The following ULK4 variants were observed in gnomAD, a reference collection of about 807,000 sequenced individuals.
ULK4 encodes the protein inactive serine/threonine-protein kinase ULK4.
ULK4 carries 133 observed loss-of-function variants against 160.6 expected under a neutral mutation model. The observed-to-expected ratio is 0.83, with a 90% CI of 0.72 to 0.96. ULK4 has a LOEUF of 0.96. Ranked by LOEUF, ULK4 falls within the 40% of genes least tolerant of loss-of-function variation. The pLI is 0.00. For missense variants in ULK4, 1,580 were observed against 1,499.5 expected (o/e 1.05, Z -0.89); for synonymous variants, 534 against 539.8 (o/e 0.99, Z 0.15).
chr3:41,580,391 A>C (rs1006457467), intron 31 of ULK4, among the ~76,000 whole-genome samples: 4 of 150,632 alleles, frequency 2.7e-5, no homozygotes, highest in African/African-American at 9.8e-5. Context: ...TTTTTTTTTA[A>C]AAAAACCTGT....
chr3:41,798,282 G>C (rs1223556582), intron 20 of ULK4, among the ~76,000 whole-genome samples: 1 of 152,080 alleles, frequency 6.6e-6, no homozygotes, highest in Non-Finnish European at 1.5e-5. Flanking sequence ...TTTTCTAAAG[G>C]CTCAGGATTA....
At chr3:41,910,092 C>T (rs949577491) in intron 11 of ULK4, among the ~76,000 whole-genome samples, 4 of 152,030 alleles carry the variant, frequency 2.6e-5, no homozygotes, top group Non-Finnish European at 5.9e-5. Context: ...GACGGGTTTT[C>T]GCCATGTTGT....
chr3:41,807,376 G>T (rs1340980196), intron 19 of ULK4, among the ~76,000 whole-genome samples: 1 of 151,974 alleles, frequency 6.6e-6, no homozygotes, highest in South Asian at 2.1e-4. Context: ...TACATTGCTT[G>T]GTTTGTTACA....
intron 9 of ULK4, among the ~76,000 whole-genome samples, chr3:41,912,512 G>GA (rs1559645689): frequency 1.3e-5 from 2 of 152,188 alleles, no homozygotes; most frequent in East Asian, 3.9e-4. Context: ...ATAAAGAGGA[G>GA]AAAAAAGATC....
chr3:41,582,075 C>A (rs1040345978), intron 31 of ULK4, among the ~76,000 whole-genome samples: 11 of 152,146 alleles, frequency 7.2e-5, no homozygotes, highest in African/African-American at 2.4e-4. Flanking sequence ...ATAATTCCCA[C>A]GTGTTTTGGG....
chr3:41,490,922 G>A (rs985557584), intron 32 of ULK4, among the ~76,000 whole-genome samples: 13 of 152,120 alleles, frequency 8.5e-5, no homozygotes, highest in Admixed American at 6.6e-4. Flanking sequence ...ATAAATGTCT[G>A]TGTAAGGAAA....
chr3:41,467,518 C>T (rs1044822798), intron 32 of ULK4, among the ~76,000 whole-genome samples: 14 of 152,172 alleles, frequency 9.2e-5, no homozygotes, highest in African/African-American at 3.1e-4. Flanking sequence ...TAGAGCACGA[C>T]TCTGTTACAA....
At chr3:41,464,148 A>G (rs1401322489) in intron 32 of ULK4, among the ~76,000 whole-genome samples, 1 of 152,202 alleles carries the variant, frequency 6.6e-6, no homozygotes. Context: ...CCAGATCATC[A>G]ATTGAATGGA....
chr3:41,636,684 C>T (rs2033963254), intron 30 of ULK4, among the ~76,000 whole-genome samples: 3 of 151,910 alleles, frequency 2.0e-5, no homozygotes, highest in East Asian at 3.9e-4. Context: ...TATACATGTG[C>T]CATGCTGGTG....
intron 32 of ULK4, among the ~76,000 whole-genome samples, chr3:41,472,910 G>A (rs1189741960): frequency 6.6e-6 from 1 of 152,146 alleles, no homozygotes; most frequent in African/African-American, 2.4e-5. Flanking sequence ...AATATATTAA[G>A]AGGTTCATTC....
chr3:41,602,658 A>G (rs1333478171), intron 31 of ULK4, among the ~76,000 whole-genome samples: 1 of 152,190 alleles, frequency 6.6e-6, no homozygotes. Flanking sequence ...TCCAAGGACT[A>G]TAATCTCCTA....
intron 34 of ULK4, among the ~76,000 whole-genome samples, chr3:41,408,011 A>G (rs1575523126): frequency 6.6e-6 from 1 of 152,218 alleles, no homozygotes; most frequent in East Asian, 1.9e-4. Context: ...AGATCGATAT[A>G]CAAAAATCAA....
At chr3:41,640,862 A>G (rs1433317017) in intron 30 of ULK4, among the ~76,000 whole-genome samples, 1 of 152,190 alleles carries the variant, frequency 6.6e-6, no homozygotes, top group Non-Finnish European at 1.5e-5. Flanking sequence ...ATGTGGGAAG[A>G]TGTCAATTCA....
intron 4 of ULK4, among the ~76,000 whole-genome samples, chr3:41,932,542 G>T (rs567689145): frequency 7.0e-4 from 107 of 152,332 alleles, no homozygotes; most frequent in African/African-American, 2.5e-3. Context: ...TCAGACTGCT[G>T]TAAGGATTAA....
At chr3:41,500,688 G>T (rs933928936) in intron 32 of ULK4, among the ~76,000 whole-genome samples, 4 of 152,056 alleles carry the variant, frequency 2.6e-5, no homozygotes, top group African/African-American at 9.7e-5. Flanking sequence ...GCCAACAGAT[G>T]GTACCAAGCA....
chr3:41,327,721 A>G (rs904282542), intron 35 of ULK4, among the ~76,000 whole-genome samples: 2 of 152,202 alleles, frequency 1.3e-5, no homozygotes. Context: ...AATTAGGATG[A>G]TAAGTTGTAT....
chr3:41,775,785 T>C (rs2039590890), intron 21 of ULK4, among the ~76,000 whole-genome samples: 2 of 150,960 alleles, frequency 1.3e-5, no homozygotes, highest in Admixed American at 6.6e-5. Context: ...CATATCCTTC[T>C]GCAGCTTGCC....
chr3:41,659,492 T>C (rs1200350743), intron 30 of ULK4, among the ~76,000 whole-genome samples: 4 of 152,220 alleles, frequency 2.6e-5, no homozygotes, highest in Non-Finnish European at 5.9e-5. Context: ...TAGTCATTCT[T>C]ACTTGTAAGA....
rs879751639 is a variant in ULK4, at chr3:41,322,942, A to AT, written c.3679-73369dup. ...TATAATAGCCGTGTGTGTGTGTACC[A>AT]TTTTTTTTTTTTGAGACGGAGTTTT... On this transcript the variant is annotated intron_variant, in intron 35 of 36. Coordinates refer to ENST00000301831, the MANE Select transcript of ULK4 (RefSeq NM_017886.4). Among the ~76,000 whole-genome samples, 1,174 of 144,886 alleles carry AT rather than the reference A, an allele frequency of 8.1e-3. 6 individuals carry two copies. The highest frequency in any genetic ancestry group is 0.024 in the East Asian group (119 of 5,030).
Sources: gnomAD v4.1 joint callset for allele counts (sites outside exome capture counted in the v4.1 genomes callset) on GRCh38, gnomAD v4.1.1 for gene constraint, MANE v1.5 for transcripts, NCBI Gene and HGNC (gene_info 2026-07-23, HGNC 2026-07-21) for gene names.